UBXN6: variants seen among roughly 807,000 people sequenced by gnomAD.
The protein encoded by UBXN6 is UBX domain protein 6.
In UBXN6, 44 loss-of-function variants were observed where a neutral mutation model predicts 51.4. The ratio of observed to expected loss-of-function variants is 0.86; its 90% CI spans 0.67 to 1.10. The LOEUF (loss-of-function observed/expected upper bound fraction) is 1.10, where lower values mean the gene tolerates loss of function less well. Ranked by LOEUF, UBXN6 falls within the 50% of genes least tolerant of loss-of-function variation. The pLI is 0.00. For missense variants in UBXN6, 672 were observed against 596.1 expected (o/e 1.13, Z -1.32); for synonymous variants, 316 against 263.2 (o/e 1.20, Z -1.94).
At chr19:4,445,975 G>T (rs186087815) in intron 10 of UBXN6, 74 bp downstream of exon 10, 164 of 1,525,684 alleles carry the variant, frequency 1.1e-4, no homozygotes, top group Non-Finnish European at 1.4e-4. Context: ...CTCCCTCCTG[G>T]GGGTGTCTGT....
In UBXN6 at chr19:4,446,274, G is replaced by T; in HGVS notation, c.1051+9C>A. 1 of 1,570,626 alleles carries T rather than the reference G, an allele frequency of 6.4e-7. No homozygotes were observed. On this transcript the variant is annotated intron_variant, in intron 9 of 10. Coordinates refer to ENST00000301281, the MANE Select transcript of UBXN6 (RefSeq NM_025241.3). ...CGAGCCGCCCTCCACGGGCATCGTTGGTGCCCACCCTGCAGGAGGCAGCCA... is the reference window on the plus strand; with the variant it reads ...CGAGCCGCCCTCCACGGGCATCGTTTGTGCCCACCCTGCAGGAGGCAGCCA...
intron 8 of UBXN6, 31 bp from the exon 9 acceptor site, chr19:4,446,444 G>A (rs762486253): frequency 3.8e-6 from 6 of 1,579,666 alleles, no homozygotes; most frequent in South Asian, 2.2e-5. Context: ...ACGAGGGCTG[G>A]CCGGGGTTCT....
chr19:4,448,518 C>T (rs1974588640), intron 4 of UBXN6, 103 bp from the exon 5 acceptor site: 5 of 930,196 alleles, frequency 5.4e-6, no homozygotes, highest in Non-Finnish European at 8.4e-6. Flanking sequence ...AGAACAGCGG[C>T]TTGGAGCGGC....
chr19:4,445,973 T>C (rs1974502926), intron 10 of UBXN6, 76 bp downstream of exon 10: 1 of 1,524,726 alleles, frequency 6.6e-7, no homozygotes, highest in Non-Finnish European at 8.8e-7. Flanking sequence ...GGCTCCCTCC[T>C]GGGGGTGTCT....
At chr19:4,457,502 G>T in intron 1 of UBXN6, 113 bp downstream of exon 1, 1 of 885,588 alleles carries the variant, frequency 1.1e-6, no homozygotes, top group Non-Finnish European at 1.5e-6. Context: ...ACCCTCGCGT[G>T]CCGCTCCCAG....
chr19:4,452,542 G>A (rs546780421), intron 3 of UBXN6, 50 bp from the exon 4 acceptor site: 97 of 1,569,178 alleles, frequency 6.2e-5, no homozygotes, highest in African/African-American at 3.6e-4. Context: ...AGGCCACCCC[G>A]ACCCTCGCCG....
chr19:4,451,176 TCTC>T (rs1373262847), intron 4 of UBXN6, among the ~76,000 whole-genome samples: 2 of 151,920 alleles, frequency 1.3e-5, no homozygotes, highest in Non-Finnish European at 2.9e-5. Context: ...CCTGCCTCAG[TCTC>T]CTGAGTAGCT....
At chr19:4,448,512 C>T in intron 4 of UBXN6, 97 bp from the exon 5 acceptor site, 1 of 1,036,456 alleles carries the variant, frequency 9.6e-7, no homozygotes. Flanking sequence ...GAAGGCAGAA[C>T]AGCGGCTTGG....
At chr19:4,448,525 C>T (rs560375677) in intron 4 of UBXN6, 110 bp from the exon 5 acceptor site, 44 of 875,616 alleles carry the variant, frequency 5.0e-5, no homozygotes, top group Admixed American at 1.0e-4. Flanking sequence ...CGGCTTGGAG[C>T]GGCCCCAGCT....
In UBXN6 at chr19:4,448,355, G is replaced by A; in HGVS notation, c.502C>T (p.Gln168Ter). 6.2e-7 allele frequency: 1 copy of A among 1,610,516 alleles called. No homozygotes were observed. Among genetic ancestry groups the A allele is most frequent in the Non-Finnish European group, 8.5e-7 (1 of 1,178,794 alleles). Residue 168 changes from glutamine (Q) to a stop codon, truncating the protein, a stop_gained, in exon 5 of 11, where the codon CAG becomes TAG. Coordinates refer to ENST00000301281, the MANE Select transcript of UBXN6 (RefSeq NM_025241.3). LOFTEE classifies it high-confidence loss of function. ...IMKIYTFNKD[Q>*]DRVKLGVDTI... Reference sequence around the variant, plus strand: ...TCCACACCCAGCTTCACCCGGTCCTGGTCTTTGTTGAACGTGTAGATCTTC... The same window carrying A: ...TCCACACCCAGCTTCACCCGGTCCTAGTCTTTGTTGAACGTGTAGATCTTC...
rs757601709 is a variant in UBXN6, at chr19:4,447,792, C to T, written c.540-167G>A. 1.2e-4 allele frequency: 80 copies of T among 661,118 alleles called. 1 individual carries two copies. In the Middle Eastern group the frequency reaches 6.4e-3, roughly 53 times the overall value. The allele number at this position is 661,118 out of a possible 1,614,324, so 41.0% of individuals were successfully genotyped here. A position where few individuals can be genotyped will look rare whatever the true frequency, so the allele number is the denominator to read the frequency against. On this transcript the variant is annotated intron_variant, in intron 5 of 10. Transcript: ENST00000301281. ...GCAGACCATCTCCGGGTGGAAGGCACACCTCGGACACCCCATGGAGCCCAC... is the reference window on the plus strand; with the variant it reads ...GCAGACCATCTCCGGGTGGAAGGCATACCTCGGACACCCCATGGAGCCCAC...
chr19:4,448,247 G>T, intron 5 of UBXN6, 71 bp downstream of exon 5: 1 of 1,383,926 alleles, frequency 7.2e-7, no homozygotes, highest in South Asian at 1.2e-5. Flanking sequence ...CAGAGGGGGT[G>T]ACAGCCCCAG....
At position 4,448,403 on chromosome 19, in the gene UBXN6, C is replaced by G; in HGVS notation, c.454G>C (p.Asp152His). ...TTCATGATGGAGGCGGCCACTGGGT[C>G]GGTGGAGAAGTGCTGGGAGGAGGGA... ...KEAILLHFSTDPVAASIMKIY... is the reference protein window; with the variant it reads ...KEAILLHFSTHPVAASIMKIY... The change falls in exon 5 of 11, where the codon GAC becomes CAC. Residue 152 changes from aspartate to histidine, a missense_variant. Coordinates refer to ENST00000301281, the MANE Select transcript of UBXN6 (RefSeq NM_025241.3). The G allele has an allele frequency of 1.3e-6, 2 of 1,588,630 alleles. No individual in the cohort carries two copies.
At position 4,446,190 on chromosome 19, in the gene UBXN6, G is replaced by C; in HGVS notation, c.1059C>G (p.Phe353Leu). The C allele has an allele frequency of 6.2e-7, 1 of 1,603,924 alleles. No homozygotes were observed. The highest frequency in any genetic ancestry group is 8.5e-7 in the Non-Finnish European group (1 of 1,177,618). ...LPDGCLLQGT[F>L]YARERLGAVY... Reference sequence around the variant, plus strand: ...CCGCCCCCAGCCGCTCCCGAGCGTAGAAAGTGCCTGGGGAGTGGGGGAGTC... The same window carrying C: ...CCGCCCCCAGCCGCTCCCGAGCGTACAAAGTGCCTGGGGAGTGGGGGAGTC... The change falls in exon 10 of 11, where the codon TTC becomes TTG. Residue 353 changes from phenylalanine to leucine, a missense_variant. Transcript: ENST00000301281.
At chr19:4,455,634 C>T (rs2145190368) in intron 1 of UBXN6, among the ~76,000 whole-genome samples, 1 of 152,266 alleles carries the variant, frequency 6.6e-6, no homozygotes, top group African/African-American at 2.4e-5. Context: ...GCCCACTGCC[C>T]TCCCGTGGCC....
rs1361715466 is a variant in UBXN6, at chr19:4,446,325, T to C, written c.1009A>G (p.Thr337Ala). 2 of 1,575,082 alleles carry C rather than the reference T, an allele frequency of 1.3e-6. No individual in the cohort carries two copies. Among genetic ancestry groups the C allele is most frequent in the Admixed American group, 1.8e-5 (1 of 55,678 alleles). ...EQRGLRKYNYTLLRVRLPDGC... is the reference protein window; with the variant it reads ...EQRGLRKYNYALLRVRLPDGC... ...TCGGGGAGGCGCACGCGCAGCAGCG[T>C]GTAGTTGTACTTGCGCAGCCCCCGC... Residue 337 changes from threonine to alanine, a missense_variant, in exon 9 of 11, where the codon ACG (threonine) becomes GCG (alanine). Coordinates refer to ENST00000301281, the MANE Select transcript of UBXN6 (RefSeq NM_025241.3).
At chr19:4,447,068 G>A in intron 6 of UBXN6, 148 bp from the exon 7 acceptor site, 3 of 703,200 alleles carry the variant, frequency 4.3e-6, no homozygotes, top group Non-Finnish European at 7.2e-6. Flanking sequence ...CTCAGTGCTG[G>A]ATGCAAACCT....
chr19:4,451,496 G>T (rs1228690035), intron 4 of UBXN6, among the ~76,000 whole-genome samples: 3 of 152,188 alleles, frequency 2.0e-5, no homozygotes, highest in Non-Finnish European at 2.9e-5. Flanking sequence ...GGGACTGCAG[G>T]TGCACGCCAC....
chr19:4,448,314 T>C lies in UBXN6; in HGVS notation c.539+4A>G. 6.2e-7 allele frequency: 1 copy of C among 1,602,202 alleles called. No individual in the cohort carries two copies. The highest frequency in any genetic ancestry group is 8.5e-7 in the Non-Finnish European group (1 of 1,175,614). ...CAGGCAGGGCAAAGGGGCCACACGC[T>C]CACTTGGCAATGGTGTCCACACCCA... On this transcript the variant is annotated splice_donor_region_variant and intron_variant, in intron 5 of 10. Coordinates refer to ENST00000301281, the MANE Select transcript of UBXN6 (RefSeq NM_025241.3).
Sources: allele counts gnomAD v4.1 joint callset (sites outside exome capture counted in the v4.1 genomes callset), GRCh38; gene constraint gnomAD v4.1.1; transcripts MANE v1.5; gene names NCBI Gene and HGNC (gene_info 2026-07-23, HGNC 2026-07-21).